ST8SIA1: variants seen among roughly 807,000 people sequenced by gnomAD.
The protein encoded by ST8SIA1 is ST8 alpha-N-acetyl-neuraminide alpha-2,8-sialyltransferase 1, also known as alpha-N-acetylneuraminide alpha-2,8-sialyltransferase.
In ST8SIA1, 16 loss-of-function variants were observed where a neutral mutation model predicts 35.9. The observed-to-expected ratio is 0.45, with a 90% CI of 0.30 to 0.68. The LOEUF (loss-of-function observed/expected upper bound fraction) is 0.68. Among genes scored for constraint, ST8SIA1 ranks in the 30% least tolerant of loss-of-function variants. The pLI, the probability that ST8SIA1 is intolerant of heterozygous loss-of-function variation, is 0.09. For missense variants in ST8SIA1, 383 were observed against 453.6 expected (o/e 0.84, Z 1.41); for synonymous variants, 170 against 169.6 (o/e 1.00, Z -0.02).
intron 4 of ST8SIA1, chr12:22,223,506 T>C: frequency 2.0e-6 from 2 of 999,654 alleles, no homozygotes; most frequent in Non-Finnish European, 2.4e-6. Context: ...GCGCAGCCAA[T>C]GTCATGTACC....
intron 4 of ST8SIA1, among the ~76,000 whole-genome samples, chr12:22,229,565 G>A (rs887878546): frequency 6.8e-6 from 1 of 146,860 alleles, no homozygotes; most frequent in Non-Finnish European, 1.5e-5. Flanking sequence ...GCAGTCAGCT[G>A]TGATGGCACC....
intron 1 of ST8SIA1, among the ~76,000 whole-genome samples, chr12:22,317,820 GA>G (rs1866539506): frequency 6.6e-6 from 1 of 152,172 alleles, no homozygotes; most frequent in Non-Finnish European, 1.5e-5. Flanking sequence ...CAGGAGTGGG[GA>G]TCACTGGGAC....
chr12:22,201,221 T>G lies in ST8SIA1; in HGVS notation c.*331A>C. On this transcript the variant is annotated 3_prime_UTR_variant, in exon 5 of 5. Transcript: ENST00000396037. Reference sequence around the variant, plus strand: ...CAACATTTTCTTTGTTCTACCTTGATTGGTTCCTCAGCCCTAACAACTCGA... The same window carrying G: ...CAACATTTTCTTTGTTCTACCTTGAGTGGTTCCTCAGCCCTAACAACTCGA... 4.8e-6 allele frequency: 1 copy of G among 209,640 alleles called. No individual in the cohort carries two copies. Among genetic ancestry groups the G allele is most frequent in the Non-Finnish European group, 9.4e-6 (1 of 106,080 alleles). The allele number at this position is 209,640 out of a possible 1,614,324, so 13.0% of individuals were successfully genotyped here.
At chr12:22,236,946 C>T (rs937903366) in intron 4 of ST8SIA1, among the ~76,000 whole-genome samples, 2 of 152,114 alleles carry the variant, frequency 1.3e-5, no homozygotes, top group Non-Finnish European at 2.9e-5. Context: ...GAATTAAGTA[C>T]ATAAAATTTG....
chr12:22,262,747 A>T lies in ST8SIA1; in HGVS notation c.382-7358T>A, dbSNP rs9919725. On this transcript the variant is annotated intron_variant, in intron 2 of 4. Coordinates refer to ENST00000396037, the MANE Select transcript of ST8SIA1 (RefSeq NM_003034.4). ...CATTTTATTAAGAGCACTTCTGATT[A>T]CAAATTAAGTTACAAGAGCCTTTGT... 3.4e-3 allele frequency among the ~76,000 whole-genome samples: 523 copies of T among 152,372 alleles called. 3 individuals carry two copies. Among genetic ancestry groups the T allele is most frequent in the African/African-American group, 0.012 (510 of 41,594 alleles).
intron 1 of ST8SIA1, among the ~76,000 whole-genome samples, chr12:22,321,010 GAAAGA>G (rs1866590782): frequency 1.0e-5 from 1 of 95,396 alleles, no homozygotes; most frequent in South Asian, 4.3e-4. Context: ...AAAGAAGAAA[GAAAGA>G]AAGAAAGAAA....
At chr12:22,321,690 G>C (rs867498868) in intron 1 of ST8SIA1, among the ~76,000 whole-genome samples, 1 of 152,220 alleles carries the variant, frequency 6.6e-6, no homozygotes. Flanking sequence ...AGCTAACTGG[G>C]GTGCGGGGTG....
chr12:22,269,858 A>T (rs1213559906), intron 2 of ST8SIA1, among the ~76,000 whole-genome samples: 2 of 152,216 alleles, frequency 1.3e-5, no homozygotes. Flanking sequence ...TATCTGATAC[A>T]TATAGCCTGG....
At chr12:22,308,301 G>A (rs1393583049) in intron 1 of ST8SIA1, among the ~76,000 whole-genome samples, 1 of 152,052 alleles carries the variant, frequency 6.6e-6, no homozygotes, top group African/African-American at 2.4e-5. Flanking sequence ...AGATATAAAA[G>A]ATAACAAAGA....
intron 1 of ST8SIA1, among the ~76,000 whole-genome samples, chr12:22,324,081 T>C (rs181554220): frequency 2.9e-4 from 44 of 152,196 alleles, no homozygotes; most frequent in Non-Finnish European, 5.1e-4. Context: ...AATGACAGTG[T>C]TATTCATGAT....
rs1217564750 is a variant in ST8SIA1 at position 22,224,163 on chromosome 12, T to C, written c.585-22125A>G. 2.0e-5 allele frequency among the ~76,000 whole-genome samples: 3 copies of C among 152,236 alleles called. No homozygotes were observed. The South Asian group carries it at 6.2e-4, about 32-fold the overall frequency. ...TGCTTCCAGCTCTAATGTGAGTATA[T>C]TTATTAATATGACTGAATACTTATT... On this transcript the variant is annotated intron_variant, in intron 4 of 4. Coordinates refer to ENST00000396037, the MANE Select transcript of ST8SIA1 (RefSeq NM_003034.4).
intron 2 of ST8SIA1, among the ~76,000 whole-genome samples, chr12:22,277,498 C>A (rs1350279677): frequency 1.3e-5 from 2 of 151,538 alleles, no homozygotes; most frequent in African/African-American, 4.8e-5. Flanking sequence ...TCCTGAATAG[C>A]AGGGATTACA....
At chr12:22,306,270 T>C (rs532099257) in intron 1 of ST8SIA1, among the ~76,000 whole-genome samples, 3 of 152,318 alleles carry the variant, frequency 2.0e-5, no homozygotes, top group African/African-American at 7.2e-5. Context: ...GGCTGTGTCA[T>C]GGGCACGTCC....
intron 4 of ST8SIA1, among the ~76,000 whole-genome samples, chr12:22,214,089 G>A (rs1865206406): frequency 6.6e-6 from 1 of 152,118 alleles, no homozygotes; most frequent in Admixed American, 6.6e-5. Context: ...CCACAGACAT[G>A]AGCCAACAAG....
Position 22,199,359 on chromosome 12 carries a change from T to G in ST8SIA1, c.*2193A>C. 1 of 103,356 alleles carries G rather than the reference T, an allele frequency of 9.7e-6. No individual in the cohort carries two copies. The highest frequency in any genetic ancestry group is 3.8e-5 in the African/African-American group (1 of 26,100). The allele number at this position is 103,356 out of a possible 1,614,324, so 6.4% of individuals were successfully genotyped here. On this transcript the variant is annotated 3_prime_UTR_variant, in exon 5 of 5. Coordinates refer to ENST00000396037, the MANE Select transcript of ST8SIA1 (RefSeq NM_003034.4). ...AATTAAAGTACTAATCTGAGTAACA[T>G]TTTATTAACTTTTATATGCGTTTTT...
intron 1 of ST8SIA1, among the ~76,000 whole-genome samples, chr12:22,318,534 GA>G (rs1053714216): frequency 3.3e-5 from 5 of 151,916 alleles, no homozygotes; most frequent in African/African-American, 1.2e-4. Context: ...GCAGAAAAAG[GA>G]AAAAAAGAGA....
chr12:22,273,542 G>T (rs1865936107), intron 2 of ST8SIA1, among the ~76,000 whole-genome samples: 1 of 152,068 alleles, frequency 6.6e-6, no homozygotes. Flanking sequence ...ACTTCTTCCT[G>T]GTCATGAGAC....
chr12:22,264,195 G>GT (rs142710360), intron 2 of ST8SIA1, among the ~76,000 whole-genome samples: 277 of 152,108 alleles, frequency 1.8e-3, no homozygotes, highest in Middle Eastern at 6.8e-3. Context: ...TCTTATGAAT[G>GT]TAATTACATC....
intron 1 of ST8SIA1, among the ~76,000 whole-genome samples, chr12:22,323,886 T>C (rs1866637771): frequency 1.3e-5 from 2 of 152,132 alleles, no homozygotes; most frequent in Admixed American, 1.3e-4. Flanking sequence ...TCAGGAAGGA[T>C]AGCTAACGAA....
Sources: allele counts gnomAD v4.1 joint callset (sites outside exome capture counted in the v4.1 genomes callset), GRCh38; gene constraint gnomAD v4.1.1; transcripts MANE v1.5; gene names NCBI Gene and HGNC (gene_info 2026-07-23, HGNC 2026-07-21).